DNAJC1: variants seen among roughly 807,000 people sequenced by gnomAD.
The protein encoded by DNAJC1 is DnaJ heat shock protein family (Hsp40) member C1.
DNAJC1 carries 58 observed loss-of-function variants against 76.6 expected under a neutral mutation model. The ratio of observed to expected loss-of-function variants is 0.76; its 90% CI spans 0.61 to 0.94. DNAJC1 has a LOEUF of 0.94. DNAJC1 is among the 40% of genes least tolerant of loss of function. The pLI, the probability that DNAJC1 is intolerant of heterozygous loss-of-function variation, is 0.00. For synonymous variants in DNAJC1, 258 were observed against 267.9 expected, an observed-to-expected ratio of 0.96 and a Z score of 0.36; for missense variants, 689 against 677.3, an observed-to-expected ratio of 1.02 and a Z score of -0.19.
rs1838021877 is a variant in DNAJC1, at chr10:21,973,892, C to A, written c.222+29321G>T. On this transcript the variant is annotated intron_variant, in intron 1 of 11. Coordinates refer to ENST00000376980, the MANE Select transcript of DNAJC1 (RefSeq NM_022365.4). Reference sequence around the variant, plus strand: ...CCGAGGAGGGTGGATCGCCTGAGGTCAGGAGTTCGAGACCAGACTGGGCAA... The same window carrying A: ...CCGAGGAGGGTGGATCGCCTGAGGTAAGGAGTTCGAGACCAGACTGGGCAA... Among the ~76,000 whole-genome samples, 3 of 151,992 alleles carry A rather than the reference C, an allele frequency of 2.0e-5. No individual in the cohort carries two copies. The South Asian group carries it at 6.2e-4, about 32-fold the overall frequency.
intron 9 of DNAJC1, among the ~76,000 whole-genome samples, chr10:21,777,669 T>A (rs1332455382): frequency 6.6e-6 from 1 of 152,206 alleles, no homozygotes; most frequent in Non-Finnish European, 1.5e-5. Flanking sequence ...TGAAATCATG[T>A]TTTTGCTAAA....
At position 21,757,534 on chromosome 10, in the gene DNAJC1, T is replaced by G. The variant is rs1032153904; in HGVS notation, c.1597-779A>C. Among the ~76,000 whole-genome samples, 4 of 152,356 alleles carry G rather than the reference T, an allele frequency of 2.6e-5. No individual in the cohort carries two copies. The East Asian group carries it at 7.7e-4, about 29-fold the overall frequency. ...GACAGAGAAAGGATGTTTACTCTCC[T>G]AGGATTTTAGCTTAGTGGTGTTATG... On this transcript the variant is annotated intron_variant, in intron 11 of 11. Coordinates refer to ENST00000376980, the MANE Select transcript of DNAJC1 (RefSeq NM_022365.4).
chr10:21,915,061 T>G (rs1171023227), intron 6 of DNAJC1, among the ~76,000 whole-genome samples: 2 of 152,248 alleles, frequency 1.3e-5, no homozygotes, highest in Non-Finnish European at 2.9e-5. Context: ...AGTAGTGCTT[T>G]GTTCTGATAT....
At chr10:21,949,830 C>A (rs1669056046) in intron 1 of DNAJC1, among the ~76,000 whole-genome samples, 1 of 152,014 alleles carries the variant, frequency 6.6e-6, no homozygotes, top group African/African-American at 2.4e-5. Context: ...AATATAATCA[C>A]AGCACACTTT....
At chr10:21,766,114 A>T (rs1834297196) in intron 10 of DNAJC1, 147 bp downstream of exon 10, 1 of 681,702 alleles carries the variant, frequency 1.5e-6, no homozygotes, top group Admixed American at 2.4e-5. Context: ...TGGTGCCCGT[A>T]TTTCAACCCT....
chr10:21,931,453 G>C (rs962711096), intron 1 of DNAJC1, among the ~76,000 whole-genome samples: 1 of 152,148 alleles, frequency 6.6e-6, no homozygotes, highest in Admixed American at 6.5e-5. Context: ...CTCTAGATAA[G>C]TTGTACTTCA....
chr10:21,780,631 C>T (rs1036070877), intron 9 of DNAJC1, among the ~76,000 whole-genome samples: 1 of 152,218 alleles, frequency 6.6e-6, no homozygotes, highest in African/African-American at 2.4e-5. Flanking sequence ...GTACCAGCCA[C>T]TGCAAAAACA....
intron 8 of DNAJC1, among the ~76,000 whole-genome samples, chr10:21,813,210 CTCTCTCTCTCTA>C (rs1399578387): frequency 2.6e-3 from 158 of 61,408 alleles, no homozygotes; most frequent in African/African-American, 5.8e-3. Context: ...CTCTCTCTCT[CTCTCTCTCTCTA>C]TATATATATA....
At chr10:21,804,355 T>G (rs934650631) in intron 9 of DNAJC1, among the ~76,000 whole-genome samples, 1 of 151,976 alleles carries the variant, frequency 6.6e-6, no homozygotes, top group Non-Finnish European at 1.5e-5. Context: ...GAACTAAAAG[T>G]TTAGGGCCTT....
chr10:21,888,586 C>T lies in DNAJC1; in HGVS notation c.821-6147G>A, dbSNP rs142107803. ...TGTGGTACATATACACCATGGAATA[C>T]TATGCAGCCATAAAAAGAATGAGAT... On this transcript the variant is annotated intron_variant, in intron 7 of 11. Transcript: ENST00000376980. 7.2e-3 allele frequency among the ~76,000 whole-genome samples: 1,102 copies of T among 152,258 alleles called. 14 individuals are homozygous for T. The highest frequency in any genetic ancestry group is 0.01 in the Middle Eastern group (3 of 294).
intron 8 of DNAJC1, among the ~76,000 whole-genome samples, chr10:21,818,184 G>C (rs1179911489): frequency 6.6e-6 from 1 of 152,184 alleles, no homozygotes; most frequent in African/African-American, 2.4e-5. Context: ...CTGAGAAAGA[G>C]AATGTGTCCC....
chr10:21,910,878 AG>A, intron 6 of DNAJC1, among the ~76,000 whole-genome samples: 1 of 131,324 alleles, frequency 7.6e-6, no homozygotes. Context: ...AGAGGAGAGG[AG>A]AGGAGGAAGG....
intron 1 of DNAJC1, among the ~76,000 whole-genome samples, chr10:21,955,019 G>C (rs1429416649): frequency 6.6e-6 from 1 of 152,028 alleles, no homozygotes; most frequent in Admixed American, 6.6e-5. Flanking sequence ...AGGCTGTTCT[G>C]TGCATTATAG....
chr10:21,904,642 C>A, intron 6 of DNAJC1, 30 bp from the exon 7 acceptor site: 1 of 1,380,054 alleles, frequency 7.2e-7, no homozygotes, highest in Non-Finnish European at 1.0e-6. Flanking sequence ...CATAAATTAA[C>A]ATAAAAATCA....
At chr10:21,851,898 C>T (rs1350716478) in intron 8 of DNAJC1, among the ~76,000 whole-genome samples, 4 of 151,582 alleles carry the variant, frequency 2.6e-5, no homozygotes, top group African/African-American at 9.7e-5. Context: ...ACTAAAAATA[C>T]AAAAAATTAG....
At chr10:21,921,253 C>A (rs1427431618) in intron 3 of DNAJC1, among the ~76,000 whole-genome samples, 1 of 151,864 alleles carries the variant, frequency 6.6e-6, no homozygotes, top group East Asian at 1.9e-4. Context: ...AAAGGAGCTA[C>A]GTGTAGTCTA....
intron 1 of DNAJC1, among the ~76,000 whole-genome samples, chr10:21,973,007 T>C (rs1046256939): frequency 3.9e-5 from 6 of 152,088 alleles, no homozygotes; most frequent in Non-Finnish European, 8.8e-5. Context: ...CATAGTTAAC[T>C]GAAGTAAAGA....
At chr10:21,922,067 T>C (rs905706989) in intron 3 of DNAJC1, among the ~76,000 whole-genome samples, 2 of 151,992 alleles carry the variant, frequency 1.3e-5, no homozygotes, top group Non-Finnish European at 2.9e-5. Context: ...ATTACAGGAA[T>C]AGAAATAGGG....
intron 8 of DNAJC1, among the ~76,000 whole-genome samples, chr10:21,819,911 T>C (rs151052698): frequency 6.6e-6 from 1 of 152,166 alleles, no homozygotes. Flanking sequence ...GCCTGGGCAA[T>C]GGAGCAAGAC....
Sources: allele counts gnomAD v4.1 joint callset (sites outside exome capture counted in the v4.1 genomes callset), GRCh38; gene constraint gnomAD v4.1.1; transcripts MANE v1.5; gene names NCBI Gene and HGNC (gene_info 2026-07-23, HGNC 2026-07-21).